The following TMC5 variants were observed in gnomAD, a reference collection of about 807,000 sequenced individuals.
TMC5 encodes transmembrane channel-like protein 5.
Under a neutral mutation model 110.5 loss-of-function variants are expected in TMC5, and 86 were observed. That is an observed-to-expected ratio of 0.78 (90% CI 0.65 to 0.93). The LOEUF is 0.93. Among genes scored for constraint, TMC5 ranks in the 40% least tolerant of loss-of-function variants. The pLI is 0.00. For missense variants in TMC5, 1,144 were observed against 1,222.8 expected, an observed-to-expected ratio of 0.94 and a Z score of 0.96; for synonymous variants, 455 against 439.5, an observed-to-expected ratio of 1.04 and a Z score of -0.44.
chr16:19,486,997 T>C lies in TMC5; in HGVS notation c.2416T>C (p.Phe806Leu). The C allele has an allele frequency of 6.2e-7, 1 of 1,614,124 alleles. No individual in the cohort carries two copies. The highest frequency in any genetic ancestry group is 8.5e-7 in the Non-Finnish European group (1 of 1,180,042). Residue 806 changes from phenylalanine to leucine, a missense_variant, in exon 16 of 22, where the codon TTC becomes CTC. Phe to Leu is a conservative substitution (Grantham distance 22). Transcript: ENST00000542583. The part of the protein sequence containing the change: ...LLPFIQMIML[F>L]IMFYSKNISL... Reference sequence around the variant, plus strand: ...GCCCTTTATCCAAATGATTATGCTTTTCATCATGTTCTACTCCAAAAATGT... The same window carrying C: ...GCCCTTTATCCAAATGATTATGCTTCTCATCATGTTCTACTCCAAAAATGT...
intron 2 of TMC5, among the ~76,000 whole-genome samples, chr16:19,437,239 C>A (rs1442654750): frequency 2.0e-5 from 3 of 152,150 alleles, no homozygotes; most frequent in Admixed American, 2.0e-4. Flanking sequence ...TTCTCTCTTC[C>A]CTACAGTTCT....
At chr16:19,444,890 G>A (rs1297251427) in intron 4 of TMC5, among the ~76,000 whole-genome samples, 1 of 152,246 alleles carries the variant, frequency 6.6e-6, no homozygotes, top group Non-Finnish European at 1.5e-5. Context: ...CCAGCACTTG[G>A]GAGGTCGAGG....
chr16:19,472,299 G>C (rs1235542746), intron 11 of TMC5, 56 bp downstream of exon 11: 7 of 1,590,728 alleles, frequency 4.4e-6, no homozygotes, highest in African/African-American at 1.3e-5. Flanking sequence ...TGAGATGCTG[G>C]AGGGGAAGGG....
At chr16:19,426,369 G>A (rs893486068) in intron 1 of TMC5, among the ~76,000 whole-genome samples, 1 of 152,136 alleles carries the variant, frequency 6.6e-6, no homozygotes, top group African/African-American at 2.4e-5. Context: ...TAGAGAATAG[G>A]GAGGATCCCT....
At chr16:19,470,186 G>A (rs1378253492) in intron 10 of TMC5, among the ~76,000 whole-genome samples, 1 of 135,992 alleles carries the variant, frequency 7.4e-6, no homozygotes, top group Non-Finnish European at 1.5e-5. Context: ...AAGCCACCGC[G>A]CCCAGCTGTT....
intron 2 of TMC5, among the ~76,000 whole-genome samples, chr16:19,435,254 C>G (rs569892624): frequency 6.6e-6 from 1 of 151,048 alleles, no homozygotes; most frequent in Admixed American, 6.6e-5. Context: ...CACTTTGGGA[C>G]GCCAAGGCGG....
chr16:19,436,997 GAAACCCTGTCTCTATA>G (rs1967364469), intron 2 of TMC5, among the ~76,000 whole-genome samples: 1 of 152,086 alleles, frequency 6.6e-6, no homozygotes, highest in South Asian at 2.1e-4. Context: ...GCAACATAGA[GAAACCCTGTCTCTATA>G]AAAATACAAA....
rs34237812 is a variant in TMC5, at chr16:19,480,804, C to CAA, written c.2268-546_2268-545dup. On this transcript the variant is annotated intron_variant, in intron 14 of 21. Coordinates refer to ENST00000542583, the MANE Select transcript of TMC5 (RefSeq NM_001261841.2). ...TGGGTGACACAGCGAGACTCCATCT[C>CAA]AAAAAAAAAAAAAAAAAAAAAGTGA... Among the ~76,000 whole-genome samples the CAA allele has an allele frequency of 1.5e-3, 110 of 75,100 alleles. 3 individuals carry two copies. The South Asian group carries it at 0.043, about 29-fold the overall frequency. The allele number at this position is 75,100 out of a possible 152,430, so 49.3% of individuals were successfully genotyped here. A position where few individuals can be genotyped will look rare whatever the true frequency, so the allele number is the denominator to read the frequency against.
intron 1 of TMC5, among the ~76,000 whole-genome samples, chr16:19,427,228 C>T (rs1007119277): frequency 4.6e-5 from 7 of 152,104 alleles, no homozygotes; most frequent in African/African-American, 9.7e-5. Context: ...CCAAGGCCAG[C>T]GGATCACTTG....
chr16:19,419,319 A>C (rs550613921), intron 1 of TMC5, among the ~76,000 whole-genome samples: 1 of 151,502 alleles, frequency 6.6e-6, no homozygotes, highest in East Asian at 1.9e-4. Context: ...TATTATTATT[A>C]ACTTATTATT....
At chr16:19,451,639 G>A (rs753596362) in intron 5 of TMC5, among the ~76,000 whole-genome samples, 4 of 151,876 alleles carry the variant, frequency 2.6e-5, no homozygotes, top group South Asian at 2.1e-4. Flanking sequence ...CCAAGAAAGC[G>A]ATCAATTTTA....
At chr16:19,456,861 T>C in intron 5 of TMC5, 1 of 1,614,214 alleles carries the variant, frequency 6.2e-7, no homozygotes, top group Non-Finnish European at 8.5e-7. Context: ...GACATTGATG[T>C]GATAGACTCT....
chr16:19,479,018 C>T (rs1394342147), intron 13 of TMC5, among the ~76,000 whole-genome samples: 1 of 152,160 alleles, frequency 6.6e-6, no homozygotes, highest in Non-Finnish European at 1.5e-5. Flanking sequence ...ATCAAGCAGA[C>T]ATTAATTGAT....
intron 5 of TMC5, among the ~76,000 whole-genome samples, chr16:19,459,989 T>C (rs1051340293): frequency 1.3e-5 from 2 of 150,750 alleles, no homozygotes; most frequent in East Asian, 3.9e-4. Context: ...CTTTGCTAAA[T>C]GTTTTTTGTT....
intron 19 of TMC5, among the ~76,000 whole-genome samples, chr16:19,493,635 A>G (rs1968975631): frequency 6.6e-6 from 1 of 151,824 alleles, no homozygotes; most frequent in Non-Finnish European, 1.5e-5. Context: ...TAATTTTTGT[A>G]TTTTTAGTAG....
chr16:19,470,248 G>T (rs1968303181), intron 10 of TMC5, among the ~76,000 whole-genome samples: 1 of 151,336 alleles, frequency 6.6e-6, no homozygotes, highest in South Asian at 2.1e-4. Context: ...GAGTGCAGTG[G>T]CATGATCTTG....
At chr16:19,489,625 C>T (rs945859563) in intron 17 of TMC5, among the ~76,000 whole-genome samples, 10 of 150,372 alleles carry the variant, frequency 6.7e-5, no homozygotes, top group East Asian at 3.9e-4. Flanking sequence ...TGAGCCACCG[C>T]GCCTGGCATG....
chr16:19,453,745 G>A (rs967176835), intron 5 of TMC5, among the ~76,000 whole-genome samples: 1 of 152,122 alleles, frequency 6.6e-6, no homozygotes, highest in African/African-American at 2.4e-5. Context: ...TCCAGCCTAG[G>A]GGACAGAGTG....
intron 1 of TMC5, among the ~76,000 whole-genome samples, chr16:19,427,907 A>T (rs34703505): frequency 0.49 from 75,020 of 152,126 alleles, 21,324 homozygotes; most frequent in South Asian, 0.71. Context: ...CTTCAAACAG[A>T]ACATCAGCCC....
Sources: gnomAD v4.1 joint callset for allele counts (sites outside exome capture counted in the v4.1 genomes callset) on GRCh38, gnomAD v4.1.1 for gene constraint, MANE v1.5 for transcripts, NCBI Gene and HGNC (gene_info 2026-07-23, HGNC 2026-07-21) for gene names.